The following PSIP1 variants were observed in gnomAD, a reference collection of about 807,000 sequenced individuals.
The protein encoded by PSIP1 is PC4 and SFRS1-interacting protein.
PSIP1 carries 19 observed loss-of-function variants against 74.7 expected under a neutral mutation model. The observed-to-expected ratio is 0.25, with a 90% confidence interval of 0.18 to 0.37. The LOEUF is 0.37. PSIP1 is among the 10% of genes least tolerant of loss of function. The pLI is 1.00. For synonymous variants in PSIP1, 222 were observed against 195.3 expected (o/e 1.14, Z -1.14); for missense variants, 601 against 614.3 (o/e 0.98, Z 0.23).
intron 4 of PSIP1, among the ~76,000 whole-genome samples, chr9:15,488,884 G>T (rs1298534159): frequency 6.6e-6 from 1 of 151,806 alleles, no homozygotes; most frequent in East Asian, 1.9e-4. Context: ...AGCCGGGTGT[G>T]GTGGCGGGCA....
At chr9:15,478,334 C>T in intron 8 of PSIP1, 143 bp downstream of exon 8, 1 of 675,690 alleles carries the variant, frequency 1.5e-6, no homozygotes, top group Non-Finnish European at 2.4e-6. Context: ...CAAAATTTTC[C>T]CAGTTTTTCC....
chr9:15,498,984 T>G (rs1028165172), intron 3 of PSIP1, among the ~76,000 whole-genome samples: 3 of 152,164 alleles, frequency 2.0e-5, no homozygotes, highest in African/African-American at 7.2e-5. Flanking sequence ...TTCTATATTG[T>G]TTTTTAAAAT....
rs1223439994 is a variant in PSIP1, at chr9:15,490,844, T to C, written c.150-720A>G. On this transcript the variant is annotated intron_variant, in intron 3 of 15. Transcript: ENST00000380733. ...TTATACAACTCACAAAACTATCGTG[T>C]TTTTAAAATAATCAGTGAGTATGTT... Among the ~76,000 whole-genome samples the C allele has an allele frequency of 2.0e-5, 3 of 152,178 alleles. No individual in the cohort carries two copies. In the East Asian group the frequency reaches 5.8e-4, roughly 29 times the overall value.
At chr9:15,497,325 C>CTTTTTTTT (rs767922897) in intron 3 of PSIP1, among the ~76,000 whole-genome samples, 2,886 of 118,342 alleles carry the variant, frequency 0.024, 469 homozygotes, top group African/African-American at 0.11. Flanking sequence ...TCTATGATTC[C>CTTTTTTTT]TTTTTTTTTT....
At chr9:15,471,739 CTT>C in intron 10 of PSIP1, 1 of 963,636 alleles carries the variant, frequency 1.0e-6, no homozygotes. Context: ...TCAAGAAAGA[CTT>C]TGGCTTACGG....
chr9:15,485,644 A>G (rs1456876008), intron 6 of PSIP1, among the ~76,000 whole-genome samples: 1 of 152,224 alleles, frequency 6.6e-6, no homozygotes, highest in Admixed American at 6.5e-5. Context: ...CACTTATATA[A>G]CACTTACTAG....
chr9:15,478,287 A>C (rs1379942430), intron 8 of PSIP1, among the ~76,000 whole-genome samples, 190 bp downstream of exon 8: 12 of 152,040 alleles, frequency 7.9e-5, no homozygotes, highest in African/African-American at 2.7e-4. Context: ...TAATTAATGA[A>C]ATGATAAATA....
At chr9:15,502,800 A>C (rs769863564) in intron 3 of PSIP1, among the ~76,000 whole-genome samples, 3 of 152,228 alleles carry the variant, frequency 2.0e-5, no homozygotes, top group African/African-American at 4.8e-5. Context: ...ATCTGTCTGA[A>C]TATGTTAGGT....
chr9:15,486,978 C>A, intron 4 of PSIP1, 47 bp from the exon 5 acceptor site: 1 of 1,211,494 alleles, frequency 8.3e-7, no homozygotes, highest in South Asian at 1.4e-5. Flanking sequence ...GTTTTTATCC[C>A]AATAATATAT....
intron 6 of PSIP1, among the ~76,000 whole-genome samples, chr9:15,485,318 C>A (rs1292618746): frequency 6.6e-6 from 1 of 152,092 alleles, no homozygotes; most frequent in African/African-American, 2.4e-5. Flanking sequence ...ATCCGCCTGA[C>A]AAAATTCTGC....
intron 4 of PSIP1, 57 bp downstream of exon 4, chr9:15,489,929 A>G: frequency 7.4e-7 from 1 of 1,344,798 alleles, no homozygotes; most frequent in Non-Finnish European, 1.0e-6. Context: ...CAGCTAGGAT[A>G]GTGATTATTC....
intron 8 of PSIP1, 52 bp from the exon 9 acceptor site, chr9:15,474,289 T>C: frequency 7.0e-7 from 1 of 1,433,298 alleles, no homozygotes; most frequent in Non-Finnish European, 9.5e-7. Flanking sequence ...ATAATAGTAT[T>C]TTAGATATCA....
intron 3 of PSIP1, among the ~76,000 whole-genome samples, chr9:15,498,146 A>G (rs2037170802): frequency 6.6e-6 from 1 of 152,190 alleles, no homozygotes; most frequent in Non-Finnish European, 1.5e-5. Flanking sequence ...ATGGTGGCTC[A>G]CATTTGTAAC....
At chr9:15,480,921 AAAAAC>A (rs1188135357) in intron 6 of PSIP1, among the ~76,000 whole-genome samples, 1 of 152,224 alleles carries the variant, frequency 6.6e-6, no homozygotes, top group African/African-American at 2.4e-5. Flanking sequence ...ACTGTCTCAA[AAAAAC>A]AAAACAAAAC....
At chr9:15,482,027 A>G (rs1400580035) in intron 6 of PSIP1, among the ~76,000 whole-genome samples, 1 of 152,172 alleles carries the variant, frequency 6.6e-6, no homozygotes, top group African/African-American at 2.4e-5. Flanking sequence ...TATTTCTTCC[A>G]TATTTTACTT....
At chr9:15,465,966 G>C (rs1251419762) in intron 15 of PSIP1, 2 of 165,004 alleles carry the variant, frequency 1.2e-5, no homozygotes, top group Non-Finnish European at 2.6e-5. Flanking sequence ...TAGACAACAA[G>C]ATTTCCCTCA....
At chr9:15,471,024 G>T in intron 10 of PSIP1, 1 of 1,416,884 alleles carries the variant, frequency 7.1e-7, no homozygotes, top group Admixed American at 2.8e-5. Flanking sequence ...TCATAACACA[G>T]TAATGCCATT....
At position 15,465,299 on chromosome 9, in the gene PSIP1, G is replaced by C; in HGVS notation, c.*221C>G. The C allele has an allele frequency of 2.2e-6, 1 of 450,838 alleles. No homozygotes were observed. Among genetic ancestry groups the C allele is most frequent in the Non-Finnish European group, 3.9e-6 (1 of 259,064 alleles). 27.9% of individuals were successfully genotyped at this position (450,838 alleles called of 1,614,324 possible). On this transcript the variant is annotated 3_prime_UTR_variant, in exon 16 of 16. Coordinates refer to ENST00000380733, the MANE Select transcript of PSIP1 (RefSeq NM_033222.5). ...AAAAGCAGTTTAACATTTTCTAAAT[G>C]GATTTTATCCCACATTTACTGTATA...
intron 3 of PSIP1, among the ~76,000 whole-genome samples, chr9:15,503,655 G>T (rs1026896037): frequency 1.9e-4 from 28 of 150,098 alleles, no homozygotes; most frequent in African/African-American, 6.9e-4. Flanking sequence ...ATGAGACTCT[G>T]TCTCCAAAAA....
Sources: allele counts gnomAD v4.1 joint callset (sites outside exome capture counted in the v4.1 genomes callset), GRCh38; gene constraint gnomAD v4.1.1; transcripts MANE v1.5; gene names NCBI Gene and HGNC (gene_info 2026-07-23, HGNC 2026-07-21).